Variants in CADM1 observed in about 807,000 individuals in gnomAD.
CADM1 encodes the protein TSLC-1.
CADM1 carries 15 observed loss-of-function variants against 53.1 expected under a neutral mutation model. The observed-to-expected ratio is 0.28, with a 90% CI of 0.19 to 0.44. The LOEUF (loss-of-function observed/expected upper bound fraction) is 0.44. CADM1 is among the 20% of genes least tolerant of loss of function. CADM1 has a pLI of 1.00. For synonymous variants in CADM1, 281 were observed against 243.0 expected, an observed-to-expected ratio of 1.16 and a Z score of -1.45; for missense variants, 434 against 611.3, an observed-to-expected ratio of 0.71 and a Z score of 3.06.
intron 7 of CADM1, among the ~76,000 whole-genome samples, chr11:115,210,170 A>G (rs1363947482): frequency 6.6e-6 from 1 of 152,248 alleles, no homozygotes; most frequent in Non-Finnish European, 1.5e-5. Flanking sequence ...AAGTAAAACT[A>G]CTTCTCTACT....
intron 1 of CADM1, among the ~76,000 whole-genome samples, chr11:115,500,238 A>T (rs1949701487): frequency 6.6e-6 from 1 of 152,182 alleles, no homozygotes; most frequent in African/African-American, 2.4e-5. Flanking sequence ...AAATTATAGC[A>T]TTGATTAGTT....
chr11:115,426,557 T>C (rs928442844), intron 1 of CADM1, among the ~76,000 whole-genome samples: 2 of 152,286 alleles, frequency 1.3e-5, no homozygotes, highest in South Asian at 2.1e-4. Flanking sequence ...CCAGATCCTC[T>C]TGTAGGTGTA....
At chr11:115,399,697 T>G (rs544746864) in intron 1 of CADM1, among the ~76,000 whole-genome samples, 7 of 152,236 alleles carry the variant, frequency 4.6e-5, no homozygotes, top group Non-Finnish European at 1.0e-4. Context: ...CATTCTTTTT[T>G]TAACAGAGTA....
In CADM1 at chr11:115,240,335, G is replaced by A. The variant is rs758188029; in HGVS notation, c.210C>T (p.Asp70=). The part of the protein sequence containing the change: ...ATISCQVNKS[D]DSVIQLLNPN... Reference sequence around the variant, plus strand: ...GATTCAGTAGCTGAATCACAGAGTCGTCACTCTTATTGACTTGGCAACTGA... The same window carrying A: ...GATTCAGTAGCTGAATCACAGAGTCATCACTCTTATTGACTTGGCAACTGA... The change falls in exon 2 of 12, where the codon GAC becomes GAT. Residue 70 remains aspartate, a synonymous_variant. Transcript: ENST00000331581. 9.3e-6 allele frequency: 15 copies of A among 1,613,582 alleles called. No individual in the cohort carries two copies. Among genetic ancestry groups the A allele is most frequent in the Middle Eastern group, 1.6e-4 (1 of 6,084 alleles).
rs913517554 is a variant in CADM1 at position 115,348,821 on chromosome 11, T to C, written c.125-108401A>G. On this transcript the variant is annotated intron_variant, in intron 1 of 11. Transcript: ENST00000331581. ...ATGATTAATTTCAAGTGCTTTACAA[T>C]TAAAAATATATGACAGGAGGGTCAT... 3.3e-5 allele frequency among the ~76,000 whole-genome samples: 5 copies of C among 152,184 alleles called. No individual in the cohort carries two copies. In the South Asian group the frequency reaches 8.3e-4, roughly 25 times the overall value.
intron 1 of CADM1, among the ~76,000 whole-genome samples, chr11:115,292,089 G>A (rs1943920871): frequency 6.6e-6 from 1 of 152,104 alleles, no homozygotes; most frequent in South Asian, 2.1e-4. Context: ...ACCACCCACT[G>A]AAACAACAGC....
At chr11:115,313,224 T>C (rs1017055763) in intron 1 of CADM1, among the ~76,000 whole-genome samples, 1 of 152,182 alleles carries the variant, frequency 6.6e-6, no homozygotes, top group Admixed American at 6.5e-5. Flanking sequence ...ATACCAGTAG[T>C]ACATACAATA....
chr11:115,225,689 A>T lies in CADM1; in HGVS notation c.721+3424T>A, dbSNP rs1380844804. Among the ~76,000 whole-genome samples the T allele has an allele frequency of 4.6e-5, 7 of 152,332 alleles. No homozygotes were observed. The South Asian group carries it at 1.2e-3, about 27-fold the overall frequency. On this transcript the variant is annotated intron_variant, in intron 5 of 11. Coordinates refer to ENST00000331581, the MANE Select transcript of CADM1 (RefSeq NM_001301043.2). ...TGCCATATGGTAGCACTCCATTTTAAGGACAGAGGTGCAACACTTCCTTTC... is the reference window on the plus strand; with the variant it reads ...TGCCATATGGTAGCACTCCATTTTATGGACAGAGGTGCAACACTTCCTTTC...
At chr11:115,456,858 A>G (rs540429762) in intron 1 of CADM1, among the ~76,000 whole-genome samples, 2 of 152,206 alleles carry the variant, frequency 1.3e-5, no homozygotes, top group Non-Finnish European at 2.9e-5. Context: ...ACACTGGAAC[A>G]TTAACAGGTT....
intron 1 of CADM1, among the ~76,000 whole-genome samples, chr11:115,503,041 C>T (rs1949764720): frequency 6.6e-6 from 1 of 152,184 alleles, no homozygotes; most frequent in Non-Finnish European, 1.5e-5. Context: ...TCCTGCATCG[C>T]CGCTCGCACC....
At chr11:115,386,533 C>T (rs1565399969) in intron 1 of CADM1, among the ~76,000 whole-genome samples, 1 of 152,182 alleles carries the variant, frequency 6.6e-6, no homozygotes, top group Non-Finnish European at 1.5e-5. Context: ...TTTGAAGGAA[C>T]TCTCTGCAGA....
intron 1 of CADM1, among the ~76,000 whole-genome samples, chr11:115,386,628 A>T (rs1050809163): frequency 4.0e-5 from 6 of 150,284 alleles, no homozygotes; most frequent in Non-Finnish European, 7.4e-5. Context: ...TAAAGCCACC[A>T]GTTCTACACT....
At chr11:115,445,183 G>A (rs1312948335) in intron 1 of CADM1, among the ~76,000 whole-genome samples, 1 of 152,122 alleles carries the variant, frequency 6.6e-6, no homozygotes, top group African/African-American at 2.4e-5. Flanking sequence ...GACTCAGGCT[G>A]ATTTGGGTTT....
intron 1 of CADM1, among the ~76,000 whole-genome samples, chr11:115,313,439 A>T (rs1384519683): frequency 6.6e-6 from 1 of 152,140 alleles, no homozygotes; most frequent in Non-Finnish European, 1.5e-5. Context: ...CAGTTAGTAC[A>T]ATTTATAAAT....
At position 115,169,401 on chromosome 11, in the gene CADM1, T is replaced by A. The variant is rs1049022847; in HGVS notation, c.*7073A>T. 25 of 349,154 alleles carry A rather than the reference T, an allele frequency of 7.2e-5. No homozygotes were observed. The highest frequency in any genetic ancestry group is 5.4e-4 in the African/African-American group (25 of 46,638). 21.6% of individuals were successfully genotyped at this position (349,154 alleles called of 1,614,324 possible). ...CTCCCGGGCTACATTTCTGGCTGTGTTAAGAATCAAGCCATCAAGAACAGC... is the reference window on the plus strand; with the variant it reads ...CTCCCGGGCTACATTTCTGGCTGTGATAAGAATCAAGCCATCAAGAACAGC... On this transcript the variant is annotated 3_prime_UTR_variant, in exon 12 of 12. Transcript: ENST00000331581.
At chr11:115,368,512 G>T (rs1946229651) in intron 1 of CADM1, among the ~76,000 whole-genome samples, 1 of 152,100 alleles carries the variant, frequency 6.6e-6, no homozygotes, top group African/African-American at 2.4e-5. Flanking sequence ...AGATTAGTCA[G>T]TAACATGAGA....
chr11:115,370,886 C>G (rs1946290874), intron 1 of CADM1, among the ~76,000 whole-genome samples: 1 of 152,212 alleles, frequency 6.6e-6, no homozygotes, highest in African/African-American at 2.4e-5. Flanking sequence ...CTACCGACAA[C>G]TTAACCTACA....
chr11:115,191,085 A>G, intron 9 of CADM1, 144 bp from the exon 10 acceptor site: 4 of 664,312 alleles, frequency 6.0e-6, no homozygotes, highest in East Asian at 5.5e-5. Context: ...GTATTAATCC[A>G]TAAGTACATT....
chr11:115,476,231 C>A (rs1323960064), intron 1 of CADM1, among the ~76,000 whole-genome samples: 1 of 151,976 alleles, frequency 6.6e-6, no homozygotes. Context: ...TCAAGAGTCT[C>A]AAGAATATAA....
Sources: gnomAD v4.1 joint callset for allele counts (sites outside exome capture counted in the v4.1 genomes callset) on GRCh38, gnomAD v4.1.1 for gene constraint, MANE v1.5 for transcripts, NCBI Gene and HGNC (gene_info 2026-07-23, HGNC 2026-07-21) for gene names.